Variants in MDGA2 observed in about 807,000 individuals in gnomAD.
The protein encoded by MDGA2 is MAM domain-containing glycosylphosphatidylinositol anchor protein 2.
Under a neutral mutation model 117.8 loss-of-function variants are expected in MDGA2, and 40 were observed. The ratio of observed to expected loss-of-function variants is 0.34; its 90% confidence interval spans 0.26 to 0.44. The LOEUF (loss-of-function observed/expected upper bound fraction) is 0.44. MDGA2 is among the 20% of genes least tolerant of loss of function. The pLI is 1.00. For missense variants in MDGA2, 1,123 were observed against 1,250.6 expected (o/e 0.90, Z 1.54); for synonymous variants, 452 against 439.0 (o/e 1.03, Z -0.37).
intron 1 of MDGA2, among the ~76,000 whole-genome samples, chr14:47,452,573 C>T (rs1893263732): frequency 6.6e-6 from 1 of 151,442 alleles, no homozygotes. Flanking sequence ...TAACAGATGA[C>T]CTTTAGGAAT....
At chr14:46,912,614 A>G (rs1484628380) in intron 10 of MDGA2, among the ~76,000 whole-genome samples, 1 of 152,164 alleles carries the variant, frequency 6.6e-6, no homozygotes, top group Non-Finnish European at 1.5e-5. Flanking sequence ...TCACTCTTTT[A>G]AGTGTCTTTG....
intron 1 of MDGA2, among the ~76,000 whole-genome samples, chr14:47,619,380 T>A (rs563013975): frequency 6.6e-6 from 1 of 152,190 alleles, no homozygotes; most frequent in Non-Finnish European, 1.5e-5. Context: ...AAGAAATGGA[T>A]AGCTTATTTT....
intron 10 of MDGA2, among the ~76,000 whole-genome samples, chr14:46,912,799 C>A (rs903328927): frequency 2.6e-5 from 4 of 152,160 alleles, no homozygotes; most frequent in African/African-American, 4.8e-5. Context: ...AGGGTCCATC[C>A]CTGACCCAGG....
intron 1 of MDGA2, among the ~76,000 whole-genome samples, chr14:47,635,522 T>C (rs1897307886): frequency 6.6e-6 from 1 of 152,166 alleles, no homozygotes; most frequent in African/African-American, 2.4e-5. Context: ...GAATTTAATT[T>C]ATAAAAACTA....
intron 8 of MDGA2, among the ~76,000 whole-genome samples, chr14:47,014,706 T>C (rs1211742842): frequency 6.6e-6 from 1 of 152,224 alleles, no homozygotes; most frequent in Non-Finnish European, 1.5e-5. Flanking sequence ...TAGGTTCTTG[T>C]TCTCAAGTAA....
At chr14:46,986,360 C>T (rs1886858720) in intron 8 of MDGA2, among the ~76,000 whole-genome samples, 1 of 152,078 alleles carries the variant, frequency 6.6e-6, no homozygotes, top group African/African-American at 2.4e-5. Context: ...GGAATTCTTT[C>T]TGAGGTAAAG....
At position 46,882,224 on chromosome 14, in the gene MDGA2, G is replaced by A; in HGVS notation, c.2239-3C>T. 2 of 1,604,426 alleles carry A rather than the reference G, an allele frequency of 1.2e-6. No individual in the cohort carries two copies. The highest frequency in any genetic ancestry group is 1.7e-5 in the Admixed American group (1 of 59,116). On this transcript the variant is annotated splice_polypyrimidine_tract_variant and splice_region_variant and intron_variant, in intron 10 of 16. Transcript: ENST00000399232. Reference sequence around the variant, plus strand: ...TCCCACCAGCGCTGCTGTCCAGCCTGAAATCAAAACAATAATAGAATAATG... The same window carrying A: ...TCCCACCAGCGCTGCTGTCCAGCCTAAAATCAAAACAATAATAGAATAATG...
chr14:47,454,545 CTGTT>C (rs931004584), intron 1 of MDGA2, among the ~76,000 whole-genome samples: 16 of 152,220 alleles, frequency 1.1e-4, no homozygotes, highest in South Asian at 6.2e-4. Context: ...TATTCATTCT[CTGTT>C]TGTTTTGTTT....
At chr14:47,423,368 C>A (rs895732837) in intron 1 of MDGA2, among the ~76,000 whole-genome samples, 1 of 152,180 alleles carries the variant, frequency 6.6e-6, no homozygotes, top group Non-Finnish European at 1.5e-5. Context: ...GGGAAACTAA[C>A]CTTTATTAAT....
intron 1 of MDGA2, among the ~76,000 whole-genome samples, chr14:47,582,686 G>C (rs761250976): frequency 2.0e-5 from 3 of 151,738 alleles, no homozygotes; most frequent in Non-Finnish European, 4.4e-5. Flanking sequence ...AGGATGTATC[G>C]ATGCTAGGCT....
intron 1 of MDGA2, among the ~76,000 whole-genome samples, chr14:47,591,420 G>C (rs1346528064): frequency 3.9e-5 from 6 of 152,028 alleles, no homozygotes; most frequent in Non-Finnish European, 7.4e-5. Context: ...AATTTAAATG[G>C]AGTGACTTCT....
intron 1 of MDGA2, among the ~76,000 whole-genome samples, chr14:47,407,422 CT>C: frequency 6.6e-6 from 1 of 152,036 alleles, no homozygotes; most frequent in Non-Finnish European, 1.5e-5. Context: ...AGATATCTTA[CT>C]TTTTATTCTG....
chr14:47,301,432 G>A lies in MDGA2; in HGVS notation c.399C>T (p.Val133=). ...TCACCTGTGGACGTGGATGTCCTGT[G>A]ACTAGACAAGTCAACTCAAGGGTTT... ...EGETLELTCL[V]TGHPRPQIRW... is the part of the protein sequence containing the mutation. Residue 133 remains valine (V), a synonymous_variant, in exon 2 of 17, where the codon GTC becomes GTT. Transcript: ENST00000399232. 1 of 1,551,812 alleles carries A rather than the reference G, an allele frequency of 6.4e-7. No homozygotes were observed. Among genetic ancestry groups the A allele is most frequent in the Non-Finnish European group, 8.7e-7 (1 of 1,147,022 alleles).
At chr14:47,585,101 T>C (rs895265299) in intron 1 of MDGA2, among the ~76,000 whole-genome samples, 1 of 151,966 alleles carries the variant, frequency 6.6e-6, no homozygotes, top group Non-Finnish European at 1.5e-5. Flanking sequence ...GGAGTGTCTA[T>C]TCCTGGTTGA....
intron 3 of MDGA2, among the ~76,000 whole-genome samples, chr14:47,190,841 T>C (rs865822236): frequency 3.9e-5 from 6 of 152,160 alleles, no homozygotes; most frequent in African/African-American, 1.2e-4. Context: ...TGGGGTAACA[T>C]AGTGGAAAAT....
At chr14:47,059,372 T>TAACACTATTGG in intron 7 of MDGA2, 1 of 1,222,346 alleles carries the variant, frequency 8.2e-7, no homozygotes, top group Non-Finnish European at 1.1e-6. Context: ...TTATCTCCAA[T>TAACACTATTGG]AGTGTTACCT....
At chr14:47,040,763 G>C (rs191321979) in intron 7 of MDGA2, among the ~76,000 whole-genome samples, 38 of 152,216 alleles carry the variant, frequency 2.5e-4, no homozygotes, top group Admixed American at 5.9e-4. Context: ...TACACACTAC[G>C]TTGTATGTTT....
At chr14:47,656,955 C>T (rs1362229715) in intron 1 of MDGA2, among the ~76,000 whole-genome samples, 4 of 152,122 alleles carry the variant, frequency 2.6e-5, no homozygotes, top group Admixed American at 2.0e-4. Context: ...AAATTCAAAG[C>T]GATCCTTTGT....
intron 1 of MDGA2, among the ~76,000 whole-genome samples, chr14:47,483,803 T>C (rs1272815063): frequency 1.3e-5 from 2 of 152,176 alleles, no homozygotes; most frequent in Non-Finnish European, 2.9e-5. Flanking sequence ...CTTGTAGTAG[T>C]TATTGAGTCT....
Sources: gnomAD v4.1 joint callset for allele counts (sites outside exome capture counted in the v4.1 genomes callset) on GRCh38, gnomAD v4.1.1 for gene constraint, MANE v1.5 for transcripts, NCBI Gene and HGNC (gene_info 2026-07-23, HGNC 2026-07-21) for gene names.